ESR2: variants seen among roughly 807,000 people sequenced by gnomAD.
ESR2 encodes estrogen receptor 2.
A neutral mutation model predicts 49.6 loss-of-function variants in ESR2; 36 were observed. The observed-to-expected ratio is 0.73, with a 90% CI of 0.56 to 0.96. ESR2 has a LOEUF of 0.96. ESR2 is among the 40% of genes least tolerant of loss of function. ESR2 has a pLI of 0.00. For missense variants in ESR2, 714 were observed against 693.0 expected (o/e 1.03, Z -0.34); for synonymous variants, 320 against 266.1 (o/e 1.20, Z -1.97).
intron 6 of ESR2, among the ~76,000 whole-genome samples, chr14:64,250,865 C>T (rs1007130248): frequency 2.0e-5 from 3 of 152,220 alleles, no homozygotes; most frequent in African/African-American, 7.2e-5. Context: ...CACTCACACT[C>T]TCCCACCCAG....
At chr14:64,250,689 T>G (rs1005507241) in intron 6 of ESR2, among the ~76,000 whole-genome samples, 10 of 152,212 alleles carry the variant, frequency 6.6e-5, no homozygotes, top group Non-Finnish European at 1.0e-4. Flanking sequence ...CCTTGAGGTC[T>G]TCAAAGAGCT....
At chr14:64,288,109 T>A (rs1332637717) in intron 1 of ESR2, among the ~76,000 whole-genome samples, 1 of 152,156 alleles carries the variant, frequency 6.6e-6, no homozygotes, top group Non-Finnish European at 1.5e-5. Flanking sequence ...GACCTCTCTC[T>A]CTCTCCCAGC....
intron 3 of ESR2, among the ~76,000 whole-genome samples, chr14:64,271,441 T>G (rs1213778030): frequency 6.6e-6 from 1 of 152,248 alleles, no homozygotes; most frequent in Non-Finnish European, 1.5e-5. Context: ...TTCTCCTGCC[T>G]CAGCCTCCCG....
chr14:64,260,040 C>CA lies in ESR2; in HGVS notation c.952+408dup, dbSNP rs1227734564. 2.3e-5 allele frequency: 10 copies of CA among 442,788 alleles called. No homozygotes were observed. The East Asian group carries it at 7.0e-4, about 31-fold the overall frequency. The allele number at this position is 442,788 out of a possible 1,614,324, so 27.4% of individuals were successfully genotyped here. Reference sequence around the variant, plus strand: ...GGTAGGTTCCCTGGGTCCATCCTCCCAGACCACCTCTAGGCATGAGAGGTG... The same window carrying CA: ...GGTAGGTTCCCTGGGTCCATCCTCCCAAGACCACCTCTAGGCATGAGAGGTG... On this transcript the variant is annotated intron_variant, in intron 5 of 8. Transcript: ENST00000341099.
intron 3 of ESR2, among the ~76,000 whole-genome samples, chr14:64,275,252 T>G (rs2076534668): frequency 6.6e-6 from 1 of 152,214 alleles, no homozygotes; most frequent in Non-Finnish European, 1.5e-5. Context: ...CTAATAATAT[T>G]TGCTTTATAT....
At chr14:64,315,243 CAAAAAAAAAAAA>C (rs201805001) in intron 1 of ESR2, among the ~76,000 whole-genome samples, 1 of 46,800 alleles carries the variant, frequency 2.1e-5, no homozygotes, top group African/African-American at 9.2e-5. Flanking sequence ...GAGTCTGTCT[CAAAAAAAAAAAA>C]AAAAAAAAAA....
In ESR2 at chr14:64,231,652, G is replaced by A. The variant is rs937409878; in HGVS notation, c.*1485C>T. 8 of 152,130 alleles carry A rather than the reference G, an allele frequency of 5.3e-5. No homozygotes were observed. Among genetic ancestry groups the A allele is most frequent in the African/African-American group, 1.9e-4 (8 of 41,434 alleles). The allele number at this position is 152,130 out of a possible 1,614,324, so 9.4% of individuals were successfully genotyped here. On this transcript the variant is annotated 3_prime_UTR_variant, in exon 9 of 9. Transcript: ENST00000341099. ...CTTCCTAATGACTTAGTAAATACAG[G>A]ATGTGCTACCCAAAGTGAACATATT...
At chr14:64,278,355 G>A (rs111898097) in intron 3 of ESR2, among the ~76,000 whole-genome samples, 1,910 of 152,256 alleles carry the variant, frequency 0.013, 34 homozygotes, top group African/African-American at 0.043. Flanking sequence ...TTCATACAGG[G>A]TGAATTTCAG....
At position 64,231,819 on chromosome 14, in the gene ESR2, G is replaced by T. The variant is rs924986077; in HGVS notation, c.*1318C>A. 1 of 152,036 alleles carries T rather than the reference G, an allele frequency of 6.6e-6. No individual in the cohort carries two copies. Among genetic ancestry groups the T allele is most frequent in the Admixed American group, 6.6e-5 (1 of 15,256 alleles). The allele number at this position is 152,036 out of a possible 1,614,324, so 9.4% of individuals were successfully genotyped here. A position where few individuals can be genotyped will look rare whatever the true frequency, so the allele number is the denominator to read the frequency against. ...ACATATTCACCGTGTATCCAAAACT[G>T]GAAATTTCACATCTTTTAAAAGGTG... On this transcript the variant is annotated 3_prime_UTR_variant, in exon 9 of 9. Transcript: ENST00000341099.
intron 4 of ESR2, among the ~76,000 whole-genome samples, chr14:64,266,162 G>A (rs560722468): frequency 2.0e-4 from 31 of 152,192 alleles, no homozygotes; most frequent in East Asian, 7.7e-4. Flanking sequence ...CTATCCCTCT[G>A]TACTCTGTCT....
At chr14:64,279,362 T>A (rs1239181893) in intron 3 of ESR2, among the ~76,000 whole-genome samples, 2 of 152,040 alleles carry the variant, frequency 1.3e-5, no homozygotes, top group South Asian at 4.1e-4. Context: ...TTTTACAGAG[T>A]TTGATTCTTT....
chr14:64,235,086 C>G lies in ESR2; in HGVS notation c.1290G>C (p.Leu430=), dbSNP rs768749310. ...AAACCAAAGCATCGGTCACGGCGTT[C>G]AGCAAGTGAGCCAGCTTCCGGCTGC... The part of the protein sequence containing the change: ...ADSSRKLAHL[L]NAVTDALVWV... The change falls in exon 8 of 9, where the codon CTG becomes CTC. Residue 430 remains leucine, a synonymous_variant. Transcript: ENST00000341099. 6.2e-7 allele frequency: 1 copy of G among 1,614,200 alleles called. No homozygotes were observed. Among genetic ancestry groups the G allele is most frequent in the Admixed American group, 1.7e-5 (1 of 60,034 alleles).
chr14:64,312,434 C>A (rs553986756), intron 1 of ESR2, among the ~76,000 whole-genome samples: 3 of 152,138 alleles, frequency 2.0e-5, no homozygotes, highest in Non-Finnish European at 4.4e-5. Context: ...GTAATCCCAG[C>A]ACTTTGGGAG....
At chr14:64,295,970 G>A (rs1018026881), upstream of ESR2, among the ~76,000 whole-genome samples, 1 of 150,950 alleles carries the variant, frequency 6.6e-6, no homozygotes, top group Non-Finnish European at 1.5e-5. Flanking sequence ...CTTGAACATG[G>A]GAGGCGGAGG....
intron 1 of ESR2, among the ~76,000 whole-genome samples, chr14:64,284,682 C>A (rs116240124): frequency 6.6e-6 from 1 of 152,008 alleles, no homozygotes; most frequent in Non-Finnish European, 1.5e-5. Flanking sequence ...TTCCCAAAAC[C>A]ACTCATTTCC....
At chr14:64,267,578 AAG>A (rs758879017) in intron 4 of ESR2, among the ~76,000 whole-genome samples, 7 of 152,026 alleles carry the variant, frequency 4.6e-5, no homozygotes, top group Admixed American at 2.6e-4. Context: ...CAAAGCTACT[AAG>A]AAATTGTCAG....
At chr14:64,292,634 T>G (rs1021027258) in intron 1 of ESR2, among the ~76,000 whole-genome samples, 1 of 152,202 alleles carries the variant, frequency 6.6e-6, no homozygotes, top group African/African-American at 2.4e-5. Context: ...ATTTTATATT[T>G]TATCCATATT....
intron 1 of ESR2, chr14:64,330,726 T>C (rs997871954): frequency 6.6e-6 from 1 of 152,138 alleles, no homozygotes; most frequent in Non-Finnish European, 1.5e-5. Context: ...TCCAGAATAA[T>C]GTTTAACCAA....
chr14:64,257,431 C>G (rs1462270558), intron 5 of ESR2, 67 bp from the exon 6 acceptor site: 21 of 1,584,114 alleles, frequency 1.3e-5, no homozygotes, highest in Non-Finnish European at 1.8e-5. Context: ...TGTGTAGAGA[C>G]AGAATGGCAA....
Sources: allele counts gnomAD v4.1 joint callset (sites outside exome capture counted in the v4.1 genomes callset), GRCh38; gene constraint gnomAD v4.1.1; transcripts MANE v1.5; gene names NCBI Gene and HGNC (gene_info 2026-07-23, HGNC 2026-07-21).